L3HYPDH: variants seen among roughly 807,000 people sequenced by gnomAD.
L3HYPDH encodes the protein trans-L-3-hydroxyproline dehydratase, also known as trans-3-hydroxy-L-proline dehydratase.
L3HYPDH carries 32 observed loss-of-function variants against 26.5 expected under a neutral mutation model. The observed-to-expected ratio is 1.21, with a 90% confidence interval of 0.91 to 1.62. The LOEUF (loss-of-function observed/expected upper bound fraction) is 1.62. Among genes scored for constraint, L3HYPDH ranks in the 40% most tolerant of loss-of-function variants. The pLI, the probability that L3HYPDH is intolerant of heterozygous loss-of-function variation, is 0.00. For missense variants in L3HYPDH, 554 were observed against 476.4 expected, an observed-to-expected ratio of 1.16 and a Z score of -1.52; for synonymous variants, 215 against 196.6, an observed-to-expected ratio of 1.09 and a Z score of -0.78.
chr14:59,475,589 C>T (rs1889571916), intron 4 of L3HYPDH, among the ~76,000 whole-genome samples: 1 of 152,148 alleles, frequency 6.6e-6, no homozygotes, highest in Non-Finnish European at 1.5e-5. Context: ...TGAAGAACCC[C>T]ACTGTACACT....
upstream of L3HYPDH, chr14:59,484,415 C>T (rs1890335050): frequency 2.1e-6 from 3 of 1,401,100 alleles, no homozygotes; most frequent in South Asian, 1.3e-5. Flanking sequence ...CGCTAACCAG[C>T]CACGTCCGGG....
the L3HYPDH span, chr14:59,498,626 C>T: frequency 1.5e-6 from 1 of 681,170 alleles, no homozygotes; most frequent in Non-Finnish European, 2.4e-6. Context: ...AGTAAATATG[C>T]TTTTTAAACC....
Position 59,484,160 on chromosome 14 carries a change from A to C in L3HYPDH, c.157T>G (p.Tyr53Asp), listed in dbSNP as rs376269328. The C allele has an allele frequency of 7.5e-6, 12 of 1,600,482 alleles. No individual in the cohort carries two copies. In the African/African-American group the frequency reaches 1.6e-4, roughly 21 times the overall value. ...SGPTLLAKRR[Y>D]MRQHLDHVRR... ...ACGTGGTCAAGGTGCTGGCGCATGT[A>C]GCGCCGCTTGGCCAGCAGGGTGGGC... The change falls in exon 1 of 5, where the codon TAC (tyrosine) becomes GAC (aspartate). Residue 53 changes from tyrosine (Y) to aspartate (D), a missense_variant. Physicochemically the swap from Tyr to Asp is radical, Grantham distance 160 (BLOSUM62 -3). Transcript: ENST00000247194.
intron 4 of L3HYPDH, 40 bp downstream of exon 4, chr14:59,475,829 G>A (rs538133601): frequency 2.2e-5 from 34 of 1,580,354 alleles, no homozygotes; most frequent in Non-Finnish European, 2.8e-5. Context: ...AGTCTCATGA[G>A]TGACACATTT....
chr14:59,480,726 A>G (rs111745903), intron 1 of L3HYPDH, among the ~76,000 whole-genome samples: 1 of 128,428 alleles, frequency 7.8e-6, no homozygotes, highest in Non-Finnish European at 1.7e-5. Flanking sequence ...TGATGTGTTA[A>G]AACAGAGCAA....
chr14:59,476,266 T>C (rs1406566115), intron 2 of L3HYPDH, 52 bp from the exon 3 acceptor site: 2 of 1,343,932 alleles, frequency 1.5e-6, no homozygotes, highest in Non-Finnish European at 2.1e-6. Context: ...TGATTCAAAT[T>C]TATAAATAAT....
upstream of L3HYPDH, among the ~76,000 whole-genome samples, chr14:59,488,744 T>A (rs188425417): frequency 1.3e-5 from 2 of 152,340 alleles, no homozygotes; most frequent in South Asian, 2.1e-4. Flanking sequence ...TTTCCTACTT[T>A]AGGTTCTTTC....
In L3HYPDH at chr14:59,478,990, C is replaced by G. The variant is rs1299428494; in HGVS notation, c.678+192G>C. 6 of 462,836 alleles carry G rather than the reference C, an allele frequency of 1.3e-5. No homozygotes were observed. The Admixed American group carries it at 1.7e-4, about 13-fold the overall frequency. The allele number at this position is 462,836 out of a possible 1,614,324, so 28.7% of individuals were successfully genotyped here. A position where few individuals can be genotyped will look rare whatever the true frequency, so the allele number is the denominator to read the frequency against. ...TGTGTTGGGCCACATTCAAAGCCAT[C>G]CTGGGCTGCATGTGGCTCACAGGCC... On this transcript the variant is annotated intron_variant, in intron 2 of 4. Transcript: ENST00000247194.
At chr14:59,472,594 G>A (rs1889346056), downstream of L3HYPDH, 1 of 159,494 alleles carries the variant, frequency 6.3e-6, no homozygotes, top group African/African-American at 2.4e-5. Context: ...CAAAAATAAT[G>A]AGCTTGTAAA....
chr14:59,504,449 C>A, the L3HYPDH span: 1 of 178,182 alleles, frequency 5.6e-6, no homozygotes. Context: ...CGTAATTGTA[C>A]TTACCTGTTG....
chr14:59,485,391 C>A, upstream of L3HYPDH: 1 of 333,986 alleles, frequency 3.0e-6, no homozygotes, highest in Non-Finnish European at 5.4e-6. Flanking sequence ...AAGCTAAGTC[C>A]GAAATTTGTT....
the L3HYPDH span, among the ~76,000 whole-genome samples, chr14:59,502,762 T>TGTTTTGTTTTG: frequency 1.2e-3 from 161 of 133,654 alleles, 8 homozygotes; most frequent in South Asian, 6.5e-3. Context: ...TTTTTTTTTT[T>TGTTTTGTTTTG]TTTTTTTTTT....
upstream of L3HYPDH, among the ~76,000 whole-genome samples, chr14:59,489,186 T>C (rs934559278): frequency 7.9e-6 from 1 of 126,474 alleles, no homozygotes; most frequent in Non-Finnish European, 1.7e-5. Flanking sequence ...TCCGCTTTCC[T>C]TTTTAAGTAT....
At chr14:59,468,526 T>C (rs78023983), downstream of L3HYPDH, among the ~76,000 whole-genome samples, 125 of 152,298 alleles carry the variant, frequency 8.2e-4, no homozygotes, top group Non-Finnish European at 1.5e-3. Context: ...CCTTGACTGA[T>C]ACCGTCCTTT....
the L3HYPDH span, among the ~76,000 whole-genome samples, chr14:59,502,750 A>AATTTTTTTTTTTTTT: frequency 2.0e-4 from 1 of 4,908 alleles, no homozygotes; most frequent in African/African-American, 3.5e-4. Flanking sequence ...ATAAAATGAG[A>AATTTTTTTTTTTTTT]TTTTTTTTTT....
chr14:59,489,902 T>C, the L3HYPDH span, among the ~76,000 whole-genome samples: 276 of 152,132 alleles, frequency 1.8e-3, 1 homozygote, highest in Non-Finnish European at 3.3e-3. Flanking sequence ...TTTTTTTTAA[T>C]GTTTTATTTT....
chr14:59,503,218 G>C, the L3HYPDH span, among the ~76,000 whole-genome samples: 3 of 152,124 alleles, frequency 2.0e-5, no homozygotes, highest in African/African-American at 7.2e-5. Flanking sequence ...CTTAGTACTG[G>C]TTGAGTTGAT....
chr14:59,479,621 C>T (rs1889874439), intron 1 of L3HYPDH, among the ~76,000 whole-genome samples: 1 of 152,110 alleles, frequency 6.6e-6, no homozygotes, highest in Admixed American at 6.5e-5. Context: ...ATTAACTTCC[C>T]TGAGGATCTT....
chr14:59,481,037 G>A (rs1266577725), intron 1 of L3HYPDH, among the ~76,000 whole-genome samples: 1 of 152,148 alleles, frequency 6.6e-6, no homozygotes, highest in African/African-American at 2.4e-5. Flanking sequence ...TTGGGAAGCT[G>A]GTTCAGGAGA....
Sources: allele counts gnomAD v4.1 joint callset (sites outside exome capture counted in the v4.1 genomes callset), GRCh38; gene constraint gnomAD v4.1.1; transcripts MANE v1.5; gene names NCBI Gene and HGNC (gene_info 2026-07-23, HGNC 2026-07-21).